Variants in CNTLN observed in about 807,000 individuals in gnomAD.
The protein encoded by CNTLN is centlein.
In CNTLN, 212 loss-of-function variants were observed where a neutral mutation model predicts 180.0. That is an observed-to-expected ratio of 1.18 (90% CI 1.05 to 1.32). The LOEUF (loss-of-function observed/expected upper bound fraction) is 1.32, where lower values mean the gene tolerates loss of function less well. Among genes scored for constraint, CNTLN ranks in the 40% most tolerant of loss-of-function variants. CNTLN has a pLI of 0.00. For synonymous variants in CNTLN, 722 were observed against 563.1 expected, an observed-to-expected ratio of 1.28 and a Z score of -3.99; for missense variants, 2,095 against 1,610.9, an observed-to-expected ratio of 1.30 and a Z score of -5.14.
In CNTLN at chr9:17,135,440, C is replaced by T. The variant is rs1586875740; in HGVS notation, c.360+15C>T. 1.9e-6 allele frequency: 3 copies of T among 1,582,972 alleles called. No individual in the cohort carries two copies. The highest frequency in any genetic ancestry group is 2.6e-6 in the Non-Finnish European group (3 of 1,166,692). ...CCCTGTGTCAGGTATCGAGGAGTCT[C>T]GCAGTCCCCCTTTCCCCACCACAGC... On this transcript the variant is annotated intron_variant, in intron 1 of 25. Transcript: ENST00000380647.
chr9:17,196,415 T>C (rs1822134924), intron 2 of CNTLN, among the ~76,000 whole-genome samples: 2 of 152,168 alleles, frequency 1.3e-5, no homozygotes, highest in South Asian at 4.1e-4. Context: ...TAAAGGGATT[T>C]TTAAAGAATT....
At position 17,187,357 on chromosome 9, in the gene CNTLN, A is replaced by G. The variant is rs1227362194; in HGVS notation, c.450-38846A>G. 4.6e-5 allele frequency among the ~76,000 whole-genome samples: 7 copies of G among 152,004 alleles called. No individual in the cohort carries two copies. The East Asian group carries it at 5.8e-4, about 13-fold the overall frequency. ...CTTCTACCTGGTTCATTTGATGGCA[A>G]TCTTAGTTTATTCCTGCGCTTTCAT... On this transcript the variant is annotated intron_variant, in intron 2 of 25. Transcript: ENST00000380647.
Position 17,462,957 on chromosome 9 carries a change from G to C in CNTLN, c.3348G>C (p.Lys1116Asn). 6.3e-7 allele frequency: 1 copy of C among 1,583,140 alleles called. No homozygotes were observed. The highest frequency in any genetic ancestry group is 8.6e-7 in the Non-Finnish European group (1 of 1,168,580). ...TCACTAAACAGTCATCAAATGTGAA[G>C]ACTTTGAAATTTGAACTCCTAGCAA... ...NELTKQSSNV[K>N]TLKFELLAKE... The change falls in exon 20 of 26, where the codon AAG (lysine) becomes AAC (asparagine). Residue 1116 changes from lysine to asparagine, a missense_variant. By Grantham distance (94) the Lys-to-Asn change is moderately conservative. Transcript: ENST00000380647.
At chr9:17,293,584 T>A (rs894419688) in intron 6 of CNTLN, among the ~76,000 whole-genome samples, 2 of 152,238 alleles carry the variant, frequency 1.3e-5, no homozygotes, top group African/African-American at 4.8e-5. Context: ...CTGTGAGTGC[T>A]GTGGGGAATT....
chr9:17,277,772 G>A (rs142002874), intron 6 of CNTLN, among the ~76,000 whole-genome samples: 1,846 of 152,130 alleles, frequency 0.012, 42 homozygotes, highest in African/African-American at 0.042. Context: ...ATTACTGGAG[G>A]TATGAAGTGC....
Position 17,321,743 on chromosome 9 carries a change from T to C in CNTLN, c.1342-8889T>C, listed in dbSNP as rs188781753. On this transcript the variant is annotated intron_variant, in intron 8 of 25. Coordinates refer to ENST00000380647, the MANE Select transcript of CNTLN (RefSeq NM_017738.4). ...CTTGGGCTCAGAATGCTGGTAACTT[T>C]TGTCATACTTTAGTTGCAAAATATT... is the stretch of plus-strand genomic sequence containing the variant. 6.3e-3 allele frequency among the ~76,000 whole-genome samples: 959 copies of C among 152,328 alleles called. 4 individuals carry two copies. Among genetic ancestry groups the C allele is most frequent in the Non-Finnish European group, 0.011 (734 of 68,024 alleles).
chr9:17,472,413 T>C (rs1333895143), intron 23 of CNTLN, among the ~76,000 whole-genome samples: 1 of 152,136 alleles, frequency 6.6e-6, no homozygotes, highest in Non-Finnish European at 1.5e-5. Flanking sequence ...GGATTATCTT[T>C]CTCTCCAACA....
At chr9:17,457,101 T>C (rs1831170575) in intron 18 of CNTLN, among the ~76,000 whole-genome samples, 1 of 152,174 alleles carries the variant, frequency 6.6e-6, no homozygotes, top group African/African-American at 2.4e-5. Context: ...TTGGCTGCTA[T>C]ATAGGATGGT....
the CNTLN span, among the ~76,000 whole-genome samples, chr9:17,527,390 C>A: frequency 1.3e-5 from 2 of 152,174 alleles, no homozygotes; most frequent in Admixed American, 6.6e-5. Flanking sequence ...GCTATACTAT[C>A]AGAGAATTAA....
chr9:17,389,825 T>C (rs1354198251), intron 14 of CNTLN, among the ~76,000 whole-genome samples: 1 of 152,176 alleles, frequency 6.6e-6, no homozygotes. Context: ...TTTATATATA[T>C]TAAGAGTCCT....
chr9:17,146,033 T>C (rs1431947490), intron 2 of CNTLN, among the ~76,000 whole-genome samples: 1 of 152,210 alleles, frequency 6.6e-6, no homozygotes, highest in Non-Finnish European at 1.5e-5. Flanking sequence ...TGATTCTTGT[T>C]TCTTCCTAGA....
At position 17,295,051 on chromosome 9, in the gene CNTLN, G is replaced by A. The variant is rs112962802; in HGVS notation, c.984-3139G>A. Among the ~76,000 whole-genome samples the A allele has an allele frequency of 3.0e-3, 460 of 152,024 alleles. 4 individuals carry two copies. Among genetic ancestry groups the A allele is most frequent in the African/African-American group, 0.01 (434 of 41,530 alleles). On this transcript the variant is annotated intron_variant, in intron 6 of 25. Transcript: ENST00000380647. ...GGCCAACACTGCTGGGGGACCTGGT[G>A]CACTGTCCGCGGCTGCTGGCCTGGG... is the stretch of plus-strand genomic sequence containing the variant.
intron 3 of CNTLN, among the ~76,000 whole-genome samples, chr9:17,234,206 C>T (rs56277107): frequency 1.3e-3 from 200 of 152,180 alleles, no homozygotes; most frequent in Non-Finnish European, 2.5e-3. Context: ...CCTGTTATCT[C>T]AGCGGGGCCA....
chr9:17,426,670 C>T (rs1003012794), intron 18 of CNTLN, among the ~76,000 whole-genome samples: 4 of 151,980 alleles, frequency 2.6e-5, no homozygotes, highest in Admixed American at 6.6e-5. Flanking sequence ...TTTAAACAAA[C>T]TTATATATTC....
rs574014324 is a variant in CNTLN, at chr9:17,231,443, T to A, written c.535-4215T>A. Among the ~76,000 whole-genome samples the A allele has an allele frequency of 9.2e-5, 14 of 152,170 alleles. No individual in the cohort carries two copies. In the South Asian group the frequency reaches 2.7e-3, roughly 29 times the overall value. ...TGCCTTTTTTTGGGTAAGACTATGT[T>A]TTAGCTTTGTCACTGTTATAAAACA... is the stretch of plus-strand genomic sequence containing the variant. On this transcript the variant is annotated intron_variant, in intron 3 of 25. Coordinates refer to ENST00000380647, the MANE Select transcript of CNTLN (RefSeq NM_017738.4).
intron 5 of CNTLN, among the ~76,000 whole-genome samples, chr9:17,248,182 A>T (rs1307309790): frequency 6.6e-6 from 1 of 151,942 alleles, no homozygotes; most frequent in Non-Finnish European, 1.5e-5. Flanking sequence ...TTGATGTTAA[A>T]CCAACCTTAC....
intron 3 of CNTLN, among the ~76,000 whole-genome samples, chr9:17,229,035 A>T (rs899838852): frequency 6.6e-6 from 1 of 152,042 alleles, no homozygotes; most frequent in African/African-American, 2.4e-5. Context: ...TGGGTATTTA[A>T]TAGTTTAGTT....
At chr9:17,323,493 C>A (rs1820060263) in intron 8 of CNTLN, among the ~76,000 whole-genome samples, 1 of 152,180 alleles carries the variant, frequency 6.6e-6, no homozygotes, top group Non-Finnish European at 1.5e-5. Context: ...TATGTTCTTG[C>A]TGCATCTTAC....
chr9:17,162,215 C>T (rs967345305), intron 2 of CNTLN, among the ~76,000 whole-genome samples: 14 of 151,980 alleles, frequency 9.2e-5, no homozygotes, highest in African/African-American at 3.4e-4. Flanking sequence ...GCCGTGTTCA[C>T]GCCATTCTCC....
Sources: gnomAD v4.1 joint callset for allele counts (sites outside exome capture counted in the v4.1 genomes callset) on GRCh38, gnomAD v4.1.1 for gene constraint, MANE v1.5 for transcripts, NCBI Gene and HGNC (gene_info 2026-07-23, HGNC 2026-07-21) for gene names.